The following ATP2B1 variants were observed in gnomAD, a reference collection of about 807,000 sequenced individuals.
The protein encoded by ATP2B1 is ATPase plasma membrane Ca2+ transporting 1.
In ATP2B1, 14 loss-of-function variants were observed where a neutral mutation model predicts 124.2. The ratio of observed to expected loss-of-function variants is 0.11; its 90% CI spans 0.07 to 0.18. The LOEUF (loss-of-function observed/expected upper bound fraction) is 0.18. Ranked by LOEUF, ATP2B1 falls within the 10% of genes least tolerant of loss-of-function variation. The pLI is 1.00. For synonymous variants in ATP2B1, 449 were observed against 492.4 expected, an observed-to-expected ratio of 0.91 and a Z score of 1.17; for missense variants, 763 against 1,466.1, an observed-to-expected ratio of 0.52 and a Z score of 7.83.
intron 15 of ATP2B1, among the ~76,000 whole-genome samples, chr12:89,608,338 T>C (rs1057308853): frequency 3.3e-5 from 5 of 152,138 alleles, no homozygotes; most frequent in Admixed American, 2.0e-4. Flanking sequence ...CAGCTAATTT[T>C]TGTATGTTTT....
intron 15 of ATP2B1, 29 bp downstream of exon 15, chr12:89,609,908 T>C (rs767438041): frequency 2.9e-5 from 46 of 1,591,344 alleles, no homozygotes; most frequent in Non-Finnish European, 3.9e-5. Flanking sequence ...GTAAATTACG[T>C]TTGGATATTT....
intron 2 of ATP2B1, 22 bp downstream of exon 2, chr12:89,655,657 A>G (rs1885870114): frequency 6.2e-7 from 1 of 1,609,190 alleles, no homozygotes; most frequent in Non-Finnish European, 8.5e-7. Context: ...AAAGAACCAA[A>G]AACAAGCATA....
intron 12 of ATP2B1, among the ~76,000 whole-genome samples, chr12:89,612,957 T>C (rs1171802424): frequency 6.6e-6 from 1 of 152,100 alleles, no homozygotes; most frequent in Admixed American, 6.6e-5. Flanking sequence ...CAAGGTACAT[T>C]TTTTAAGGGG....
At chr12:89,628,097 G>A (rs1346319661) in intron 6 of ATP2B1, among the ~76,000 whole-genome samples, 2 of 152,014 alleles carry the variant, frequency 1.3e-5, no homozygotes, top group East Asian at 3.9e-4. Flanking sequence ...GAGGAGGAAG[G>A]GATGTTATAA....
At chr12:89,634,108 C>T (rs1390022356) in intron 5 of ATP2B1, among the ~76,000 whole-genome samples, 1 of 152,108 alleles carries the variant, frequency 6.6e-6, no homozygotes, top group Non-Finnish European at 1.5e-5. Flanking sequence ...GAGGTTACTA[C>T]AAGAGCCTCC....
intron 2 of ATP2B1, 36 bp from the exon 3 acceptor site, chr12:89,642,391 ACTT>A: frequency 6.5e-7 from 1 of 1,543,492 alleles, no homozygotes; most frequent in Non-Finnish European, 8.9e-7. Context: ...GAACAGTTTT[ACTT>A]CTTACAAATG....
chr12:89,694,689 C>A (rs1890922228), intron 1 of ATP2B1, among the ~76,000 whole-genome samples: 1 of 152,106 alleles, frequency 6.6e-6, no homozygotes, highest in Non-Finnish European at 1.5e-5. Flanking sequence ...TGCAGAAGTA[C>A]AAACAGAGCT....
chr12:89,614,249 C>T (rs1477103266), intron 12 of ATP2B1, among the ~76,000 whole-genome samples: 2 of 152,126 alleles, frequency 1.3e-5, no homozygotes, highest in East Asian at 3.8e-4. Flanking sequence ...CTGCTTGAGG[C>T]CAGGAGTTTG....
rs780173086 is a variant in ATP2B1, at chr12:89,655,908, G to A, written c.-22C>T. On this transcript the variant is annotated 5_prime_UTR_variant, in exon 2 of 21. Transcript: ENST00000428670. ...CCATTACAAGTATAATATATCAGAA[G>A]GAAAATGTTTCCCAAAAGAATTTAA... 1 of 1,521,832 alleles carries A rather than the reference G, an allele frequency of 6.6e-7. No individual in the cohort carries two copies. The highest frequency in any genetic ancestry group is 8.8e-7 in the Non-Finnish European group (1 of 1,132,698). The allele number at this position is 1,521,832 out of a possible 1,614,324, so 94.3% of individuals were successfully genotyped here.
Position 89,627,716 on chromosome 12 carries a change from T to C in ATP2B1, c.929A>G (p.Asn310Ser). Residue 310 changes from asparagine to serine, a missense_variant and splice_region_variant, in exon 7 of 21, where the codon AAT becomes AGT. By Grantham distance (46) the Asn-to-Ser change is conservative (BLOSUM62 1). Coordinates refer to ENST00000428670, the MANE Select transcript of ATP2B1 (RefSeq NM_001366521.1). ...KKDEKKKEKK[N>S]KKQDGAIENR... ...CTCAATAGCTCCATCTTGTTTCTTA[T>C]CTGTAGGAACAAAATGGGAATTAAA... 3 of 1,613,926 alleles carry C rather than the reference T, an allele frequency of 1.9e-6. No individual in the cohort carries two copies. The highest frequency in any genetic ancestry group is 2.5e-6 in the Non-Finnish European group (3 of 1,179,876).
Position 89,601,300 on chromosome 12 carries a change from TAAAC to T in ATP2B1, c.3168+22_3168+25del, listed in dbSNP as rs143018202. 1.2e-3 allele frequency: 1,744 copies of T among 1,472,344 alleles called. 24 individuals carry two copies. The African/African-American group carries it at 0.023, about 19-fold the overall frequency. 91.2% of individuals were successfully genotyped at this position (1,472,344 alleles called of 1,614,324 possible). ...TTAAAAAAAAAAATCACTTTAGGTTTAAACAAAAACTGATGAAATTTTTACCTGG... is the reference window on the plus strand; with the variant it reads ...TTAAAAAAAAAAATCACTTTAGGTTTAAAAACTGATGAAATTTTTACCTGG... On this transcript the variant is annotated intron_variant, in intron 19 of 20. Transcript: ENST00000428670.
intron 6 of ATP2B1, 93 bp from the exon 7 acceptor site, chr12:89,627,809 T>C (rs1461787802): frequency 7.6e-7 from 1 of 1,316,348 alleles, no homozygotes; most frequent in African/African-American, 1.5e-5. Context: ...CTATAACAGT[T>C]GTTACACAAT....
intron 1 of ATP2B1, among the ~76,000 whole-genome samples, chr12:89,659,311 G>T (rs1338248693): frequency 1.3e-5 from 2 of 151,802 alleles, no homozygotes; most frequent in African/African-American, 4.8e-5. Flanking sequence ...CAGAATAAAT[G>T]TTGTCTCTGA....
At chr12:89,658,317 G>C (rs1262715134) in intron 1 of ATP2B1, among the ~76,000 whole-genome samples, 2 of 152,066 alleles carry the variant, frequency 1.3e-5, no homozygotes, top group Admixed American at 6.6e-5. Flanking sequence ...AGAGAAACTA[G>C]ACATATGTAG....
chr12:89,708,371 T>G (rs1365179209), intron 1 of ATP2B1, among the ~76,000 whole-genome samples: 2 of 151,994 alleles, frequency 1.3e-5, no homozygotes, highest in Non-Finnish European at 2.9e-5. Context: ...GGCGCTGAGG[T>G]GCACGGCGAG....
chr12:89,661,849 C>T (rs1004671132), intron 1 of ATP2B1, among the ~76,000 whole-genome samples: 8 of 152,132 alleles, frequency 5.3e-5, no homozygotes, highest in African/African-American at 1.9e-4. Context: ...AGCTGTTTCT[C>T]ACTGTGGTTG....
intron 12 of ATP2B1, among the ~76,000 whole-genome samples, chr12:89,613,123 G>A (rs578070030): frequency 1.3e-5 from 2 of 151,886 alleles, no homozygotes; most frequent in African/African-American, 4.8e-5. Flanking sequence ...GGGATCACAG[G>A]TACACGCCAC....
intron 3 of ATP2B1, among the ~76,000 whole-genome samples, chr12:89,640,025 T>C (rs1883269193): frequency 6.6e-6 from 1 of 152,210 alleles, no homozygotes; most frequent in Non-Finnish European, 1.5e-5. Context: ...GAAGATGATA[T>C]GACTCCCCTT....
chr12:89,611,023 TTCTC>T (rs1877909071), intron 13 of ATP2B1, among the ~76,000 whole-genome samples, 166 bp downstream of exon 13: 1 of 152,204 alleles, frequency 6.6e-6, no homozygotes, highest in African/African-American at 2.4e-5. Context: ...AATTTATTAC[TTCTC>T]TCTTTTATCC....
Sources: gnomAD v4.1 joint callset for allele counts (sites outside exome capture counted in the v4.1 genomes callset) on GRCh38, gnomAD v4.1.1 for gene constraint, MANE v1.5 for transcripts, NCBI Gene and HGNC (gene_info 2026-07-23, HGNC 2026-07-21) for gene names.